The following PIGS variants were observed in gnomAD, a reference collection of about 807,000 sequenced individuals.
PIGS encodes GPI-anchor transamidase component PIGS.
A neutral mutation model predicts 58.2 loss-of-function variants in PIGS; 37 were observed. The observed-to-expected ratio is 0.64, with a 90% CI of 0.49 to 0.84. The LOEUF (loss-of-function observed/expected upper bound fraction) is 0.84. Among genes scored for constraint, PIGS ranks in the 40% least tolerant of loss-of-function variants. The pLI is 0.00. For missense variants in PIGS, 629 were observed against 710.8 expected, an observed-to-expected ratio of 0.88 and a Z score of 1.31; for synonymous variants, 269 against 289.2, an observed-to-expected ratio of 0.93 and a Z score of 0.71.
chr17:28,571,273 G>C (rs2070427413), intron 1 of PIGS, 85 bp from the exon 2 acceptor site: 1 of 1,542,670 alleles, frequency 6.5e-7, no homozygotes, highest in Admixed American at 1.9e-5. Context: ...CCCAACCACC[G>C]GCCTCCAGGG....
rs772236765 is a variant in PIGS at position 28,571,186 on chromosome 17, C to T, written c.37G>A (p.Val13Met). 6.2e-7 allele frequency: 1 copy of T among 1,612,798 alleles called. No individual in the cohort carries two copies. Among genetic ancestry groups the T allele is most frequent in the Non-Finnish European group, 8.5e-7 (1 of 1,179,740 alleles). The change falls in exon 2 of 12, where the codon GTG becomes ATG. Residue 13 changes from valine to methionine, a missense_variant and splice_region_variant. Physicochemically the swap from Val to Met is conservative, Grantham distance 21. Transcript: ENST00000308360. ...AGGGCGGCGCGCTTGCCCCGGGCCA[C>T]CTCTGAGGGCATGGGGAACCGACTG... ...AAGAAATHLE[V>M]ARGKRAALFF... is the part of the protein sequence containing the mutation.
rs113525030 is a variant in PIGS at position 28,554,942 on chromosome 17, T to C, written c.1301A>G (p.Asn434Ser). The C allele has an allele frequency of 1.2e-6, 2 of 1,613,574 alleles. No individual in the cohort carries two copies. The highest frequency in any genetic ancestry group is 2.7e-5 in the African/African-American group (2 of 74,934). ...DRLLWARSVE[N>S]LATATTTLTS... ...AAGGGTGGTGGTGGCTGTGGCCAGGTTCTCCACTGACCGAGCCCAGAGCAG... is the reference window on the plus strand; with the variant it reads ...AAGGGTGGTGGTGGCTGTGGCCAGGCTCTCCACTGACCGAGCCCAGAGCAG... The change falls in exon 11 of 12, where the codon AAC becomes AGC. Residue 434 changes from asparagine (N) to serine (S), a missense_variant. Asn to Ser is a conservative substitution (Grantham distance 46). Transcript: ENST00000308360.
chr17:28,569,189 T>G (rs2151514761), intron 3 of PIGS, among the ~76,000 whole-genome samples: 2 of 151,064 alleles, frequency 1.3e-5, no homozygotes, highest in Non-Finnish European at 3.0e-5. Context: ...AAAAATGTTT[T>G]AACCAGCCGG....
At chr17:28,562,876 T>C (rs985895697) in intron 5 of PIGS, among the ~76,000 whole-genome samples, 1 of 152,012 alleles carries the variant, frequency 6.6e-6, no homozygotes, top group Non-Finnish European at 1.5e-5. Context: ...ATTTTTTTTA[T>C]TTTTTGTAGA....
Position 28,560,127 on chromosome 17 carries a change from A to G in PIGS, c.741T>C (p.Ile247=). ...GCACATAGCGCCGGACAGCCCCCTC[A>G]ATGTCCCAGTAGACATCATGGGACT... ...DPKSHDVYWD[I]EGAVRRYVQP... The change falls in exon 7 of 12, where the codon ATT becomes ATC. Residue 247 remains isoleucine (I), a synonymous_variant. Coordinates refer to ENST00000308360, the MANE Select transcript of PIGS (RefSeq NM_033198.4). 6.2e-7 allele frequency: 1 copy of G among 1,613,426 alleles called. No homozygotes were observed. The highest frequency in any genetic ancestry group is 8.5e-7 in the Non-Finnish European group (1 of 1,179,682).
chr17:28,557,904 A>C (rs1029295490), intron 8 of PIGS, among the ~76,000 whole-genome samples: 15 of 152,214 alleles, frequency 9.9e-5, no homozygotes, highest in Admixed American at 3.3e-4. Flanking sequence ...TTTTAGGGAG[A>C]TAGACCCAGC....
intron 5 of PIGS, among the ~76,000 whole-genome samples, chr17:28,562,312 G>A (rs759857970): frequency 1.1e-4 from 16 of 152,214 alleles, no homozygotes; most frequent in Non-Finnish European, 1.9e-4. Flanking sequence ...GGGCCAAAAG[G>A]GAATGGAGTA....
Position 28,553,901 on chromosome 17 carries a change from G to A in PIGS, c.*319C>T, listed in dbSNP as rs144906625. 173 of 377,580 alleles carry A rather than the reference G, an allele frequency of 4.6e-4. No homozygotes were observed. Among genetic ancestry groups the A allele is most frequent in the Non-Finnish European group, 8.1e-4 (163 of 201,478 alleles). 23.4% of individuals were successfully genotyped at this position (377,580 alleles called of 1,614,324 possible). ...TCCTCTCAGTGCACAAGTGTGCTAT[G>A]TTGAGAAATGGGGCAAAAGAACAAA... On this transcript the variant is annotated 3_prime_UTR_variant, in exon 12 of 12. Coordinates refer to ENST00000308360, the MANE Select transcript of PIGS (RefSeq NM_033198.4).
intron 7 of PIGS, among the ~76,000 whole-genome samples, chr17:28,559,139 C>T (rs899702949): frequency 2.6e-5 from 4 of 151,888 alleles, no homozygotes; most frequent in Non-Finnish European, 4.4e-5. Context: ...GCCACCATGC[C>T]CAGCTAATTT....
intron 5 of PIGS, 107 bp from the exon 6 acceptor site, chr17:28,561,736 G>T: frequency 9.3e-7 from 1 of 1,074,754 alleles, no homozygotes; most frequent in Non-Finnish European, 1.3e-6. Context: ...TGACCAACAG[G>T]TTTGCACCTC....
intron 10 of PIGS, 22 bp downstream of exon 10, chr17:28,556,142 CAA>C: frequency 6.3e-7 from 1 of 1,584,610 alleles, no homozygotes; most frequent in Non-Finnish European, 8.7e-7. Flanking sequence ...ACTATGTCCC[CAA>C]GTGGATCATC....
chr17:28,555,263 G>A (rs2070319633), intron 10 of PIGS: 5 of 538,172 alleles, frequency 9.3e-6, no homozygotes, highest in South Asian at 2.5e-5. Flanking sequence ...TTCAACAGGT[G>A]TTTCTGCTTT....
chr17:28,569,912 C>T (rs2070417087), intron 3 of PIGS, among the ~76,000 whole-genome samples: 1 of 152,208 alleles, frequency 6.6e-6, no homozygotes, highest in South Asian at 2.1e-4. Flanking sequence ...TATCCTTATA[C>T]TGTCTCATGC....
intron 10 of PIGS, 30 bp downstream of exon 10, chr17:28,556,136 T>A: frequency 1.3e-6 from 2 of 1,566,688 alleles, no homozygotes; most frequent in Non-Finnish European, 1.8e-6. Flanking sequence ...AAGGAGACTA[T>A]GTCCCCAAGT....
chr17:28,556,142 C>T (rs2070325859), intron 10 of PIGS, 24 bp downstream of exon 10: 1 of 1,584,492 alleles, frequency 6.3e-7, no homozygotes. Flanking sequence ...ACTATGTCCC[C>T]AAGTGGATCA....
chr17:28,561,697 C>G, intron 5 of PIGS, 68 bp from the exon 6 acceptor site: 1 of 1,495,450 alleles, frequency 6.7e-7, no homozygotes, highest in Non-Finnish European at 9.0e-7. Flanking sequence ...ACCCTGGCTC[C>G]TACTGTTCCG....
chr17:28,565,803 G>A (rs1026510334), intron 3 of PIGS, among the ~76,000 whole-genome samples: 3 of 152,192 alleles, frequency 2.0e-5, no homozygotes, highest in African/African-American at 7.2e-5. Context: ...GCCAAGACAG[G>A]CGGACTGCTC....
At chr17:28,566,732 T>A (rs1249390693) in intron 3 of PIGS, among the ~76,000 whole-genome samples, 2 of 152,072 alleles carry the variant, frequency 1.3e-5, no homozygotes, top group Non-Finnish European at 2.9e-5. Context: ...TAGCTGGGAC[T>A]ACAGGCACAC....
In PIGS at chr17:28,555,046, A is replaced by AATCCCAAAGAGCAACCTGTAGGAAC. The variant is rs1352983776; in HGVS notation, c.1182-10_1196dup (p.Ile399MetfsTer26). ...ATTTTGGAGGCAGCTGGGGCTGAGCAATCCCAAAGAGCAACCTGTAGGAAC... is the reference window on the plus strand; with the variant it reads ...ATTTTGGAGGCAGCTGGGGCTGAGCAATCCCAAAGAGCAACCTGTAGGAACATCCCAAAGAGCAACCTGTAGGAAC... On this transcript the variant is annotated frameshift_variant, in exon 11 of 12. Transcript: ENST00000308360. LOFTEE classifies it high-confidence loss of function. 1.4e-5 allele frequency: 22 copies of AATCCCAAAGAGCAACCTGTAGGAAC among 1,612,704 alleles called. No homozygotes were observed. The highest frequency in any genetic ancestry group is 1.9e-5 in the Non-Finnish European group (22 of 1,179,428).
Sources: allele counts gnomAD v4.1 joint callset (sites outside exome capture counted in the v4.1 genomes callset), GRCh38; gene constraint gnomAD v4.1.1; transcripts MANE v1.5; gene names NCBI Gene and HGNC (gene_info 2026-07-23, HGNC 2026-07-21).